Variants in MAP4K2 observed in about 807,000 individuals in gnomAD.
MAP4K2 encodes the protein B lymphocyte serine/threonine protein kinase.
Under a neutral mutation model 125.3 loss-of-function variants are expected in MAP4K2, and 85 were observed. The observed-to-expected ratio is 0.68, with a 90% CI of 0.57 to 0.81. The LOEUF (loss-of-function observed/expected upper bound fraction) is 0.81, where lower values mean the gene tolerates loss of function less well. Among genes scored for constraint, MAP4K2 ranks in the 40% least tolerant of loss-of-function variants. The pLI, the probability that MAP4K2 is intolerant of heterozygous loss-of-function variation, is 0.00. For missense variants in MAP4K2, 923 were observed against 1,056.4 expected, an observed-to-expected ratio of 0.87 and a Z score of 1.75; for synonymous variants, 479 against 445.1, an observed-to-expected ratio of 1.08 and a Z score of -0.96.
At chr11:64,800,514 G>T in intron 10 of MAP4K2, 122 bp from the exon 11 acceptor site, 1 of 1,192,774 alleles carries the variant, frequency 8.4e-7, no homozygotes, top group Non-Finnish European at 1.2e-6. Flanking sequence ...GGAGCCAGCC[G>T]AGGCCAAGGG....
Position 64,789,192 on chromosome 11 carries a change from A to G in MAP4K2, c.*345T>C. The G allele has an allele frequency of 2.7e-6, 1 of 366,192 alleles. No individual in the cohort carries two copies. Among genetic ancestry groups the G allele is most frequent in the Non-Finnish European group, 5.1e-6 (1 of 194,484 alleles). 22.7% of individuals were successfully genotyped at this position (366,192 alleles called of 1,614,324 possible). On this transcript the variant is annotated 3_prime_UTR_variant, in exon 32 of 32. Transcript: ENST00000294066. ...TTCTCTCTTAAATACCGTGTTTCCCAGGACAAATGCAGGGGCAGGCTCTTG... is the reference window on the plus strand; with the variant it reads ...TTCTCTCTTAAATACCGTGTTTCCCGGGACAAATGCAGGGGCAGGCTCTTG...
rs1940290147 is a variant in MAP4K2 at position 64,788,385 on chromosome 11, T to C, written c.*1152A>G. The C allele has an allele frequency of 6.6e-6, 1 of 151,894 alleles. No homozygotes were observed. Among genetic ancestry groups the C allele is most frequent in the African/African-American group, 2.4e-5 (1 of 41,294 alleles). 9.4% of individuals were successfully genotyped at this position (151,894 alleles called of 1,614,324 possible). Reference sequence around the variant, plus strand: ...GGCTGCAGCTGCCCAAAGGCTCCAGTCAAGAGCGGCTGATCAGTGCCTGGG... The same window carrying C: ...GGCTGCAGCTGCCCAAAGGCTCCAGCCAAGAGCGGCTGATCAGTGCCTGGG... On this transcript the variant is annotated 3_prime_UTR_variant, in exon 32 of 32. Transcript: ENST00000294066.
rs1247775529 is a variant in MAP4K2 at position 64,789,507 on chromosome 11, GC to G, written c.*29del. The G allele has an allele frequency of 6.4e-7, 1 of 1,551,890 alleles. No homozygotes were observed. Among genetic ancestry groups the G allele is most frequent in the Admixed American group, 1.9e-5 (1 of 51,348 alleles). ...GCCTGCAGCTAAGGCGTGGGGTGGGGCGGGGAGCCCCTGGACAGGCCCGCTG... is the reference window on the plus strand; with the variant it reads ...GCCTGCAGCTAAGGCGTGGGGTGGGGGGGGAGCCCCTGGACAGGCCCGCTG... On this transcript the variant is annotated 3_prime_UTR_variant, in exon 32 of 32. Transcript: ENST00000294066.
In MAP4K2 at chr11:64,787,728, A is replaced by G. The variant is rs1940256453; in HGVS notation, c.*1809T>C. The G allele has an allele frequency of 6.6e-6, 1 of 152,150 alleles. No homozygotes were observed. The highest frequency in any genetic ancestry group is 1.5e-5 in the Non-Finnish European group (1 of 68,026). 9.4% of individuals were successfully genotyped at this position (152,150 alleles called of 1,614,324 possible). A position where few individuals can be genotyped will look rare whatever the true frequency, so the allele number is the denominator to read the frequency against. On this transcript the variant is annotated 3_prime_UTR_variant, in exon 32 of 32. Coordinates refer to ENST00000294066, the MANE Select transcript of MAP4K2 (RefSeq NM_004579.5). The stretch of plus-strand genomic sequence containing the variant: ...AGTCCAAACCCCGTTTCCAGACTGA[A>G]TCTGAGGTCCGGGAAGATCCGCCAC...
intron 24 of MAP4K2, among the ~76,000 whole-genome samples, chr11:64,795,234 C>T (rs1381499482): frequency 2.0e-5 from 3 of 151,468 alleles, no homozygotes; most frequent in Admixed American, 2.0e-4. Context: ...CAGGTGCGCA[C>T]CACTACACCC....
intron 5 of MAP4K2, 80 bp downstream of exon 5, chr11:64,801,986 C>A: frequency 6.9e-7 from 1 of 1,448,764 alleles, no homozygotes; most frequent in South Asian, 1.3e-5. Context: ...GCACTCCACC[C>A]GCCTCCCTGC....
Position 64,796,642 on chromosome 11 carries a change from G to A in MAP4K2, c.1564C>T (p.Leu522=). 6.2e-7 allele frequency: 1 copy of A among 1,614,122 alleles called. No individual in the cohort carries two copies. Among genetic ancestry groups the A allele is most frequent in the Middle Eastern group, 1.6e-4 (1 of 6,062 alleles). ...LNLHELHEDT[L]EKLISHRCSW... is the part of the protein sequence containing the mutation. Reference sequence around the variant, plus strand: ...AGCCAGCCGGGCCTCACCTTCTCCAGCGTATCCTCATGCAGTTCATGCAGG... The same window carrying A: ...AGCCAGCCGGGCCTCACCTTCTCCAACGTATCCTCATGCAGTTCATGCAGG... The change falls in exon 22 of 32, where the codon CTG becomes TTG. Residue 522 remains leucine, a synonymous_variant. Transcript: ENST00000294066.
At chr11:64,792,544 G>A in intron 24 of MAP4K2, 122 bp from the exon 25 acceptor site, 1 of 795,378 alleles carries the variant, frequency 1.3e-6, no homozygotes, top group Non-Finnish European at 2.0e-6. Context: ...GAGACTCAGA[G>A]ACACAGAGTA....
rs753107807 is a variant in MAP4K2, at chr11:64,797,205, G to A, written c.1277-13C>T. On this transcript the variant is annotated splice_polypyrimidine_tract_variant and intron_variant, in intron 18 of 31. Transcript: ENST00000294066. ...GGGGGCAGGGTTCCTGCAGGCACAG[G>A]CGTGCTGTAATTTCCTGCTGTAGCC... 13 of 1,612,222 alleles carry A rather than the reference G, an allele frequency of 8.1e-6. No homozygotes were observed. In the Admixed American group the frequency reaches 2.0e-4, roughly 25 times the overall value.
Position 64,787,378 on chromosome 11 carries a change from G to A in MAP4K2, c.*2159C>T, listed in dbSNP as rs1005514154. 1 of 152,062 alleles carries A rather than the reference G, an allele frequency of 6.6e-6. No individual in the cohort carries two copies. The highest frequency in any genetic ancestry group is 2.4e-5 in the African/African-American group (1 of 41,386). 9.4% of individuals were successfully genotyped at this position (152,062 alleles called of 1,614,324 possible). A position where few individuals can be genotyped will look rare whatever the true frequency, so the allele number is the denominator to read the frequency against. Reference sequence around the variant, plus strand: ...AAGGTCAGTACAGTATGTGGAATATGTTAATACGTATATAAAAAATCGCCA... The same window carrying A: ...AAGGTCAGTACAGTATGTGGAATATATTAATACGTATATAAAAAATCGCCA... On this transcript the variant is annotated 3_prime_UTR_variant, in exon 32 of 32. Transcript: ENST00000294066.
Position 64,788,612 on chromosome 11 carries a change from AGTCTGGTAG to A in MAP4K2, c.*916_*924del. On this transcript the variant is annotated 3_prime_UTR_variant, in exon 32 of 32. Transcript: ENST00000294066. ...GCCTGGCACTGAGGCAGCCCTTGGG[AGTCTGGTAG>A]ACGGACACAGGCTAGCCTTCCCATC... The A allele has an allele frequency of 6.6e-6, 1 of 152,184 alleles. No individual in the cohort carries two copies. Among genetic ancestry groups the A allele is most frequent in the Non-Finnish European group, 1.5e-5 (1 of 68,010 alleles). 9.4% of individuals were successfully genotyped at this position (152,184 alleles called of 1,614,324 possible).
At chr11:64,802,287 C>T (rs2136056641) in intron 4 of MAP4K2, 132 bp downstream of exon 4, 2 of 1,134,036 alleles carry the variant, frequency 1.8e-6, no homozygotes, top group East Asian at 5.1e-5. Flanking sequence ...GACAGTATTT[C>T]TCTCAAGGTC....
chr11:64,787,892 G>A lies in MAP4K2; in HGVS notation c.*1645C>T, dbSNP rs1431235061. On this transcript the variant is annotated 3_prime_UTR_variant, in exon 32 of 32. Coordinates refer to ENST00000294066, the MANE Select transcript of MAP4K2 (RefSeq NM_004579.5). ...CCCACCCTGGTCCCAACATTCCTCC[G>A]AGAAATCTGGAAAATTGGAAGTTAG... is the stretch of plus-strand genomic sequence containing the variant. 2.0e-5 allele frequency: 3 copies of A among 152,124 alleles called. No homozygotes were observed. The highest frequency in any genetic ancestry group is 4.4e-5 in the Non-Finnish European group (3 of 68,026). The allele number at this position is 152,124 out of a possible 1,614,324, so 9.4% of individuals were successfully genotyped here. A position where few individuals can be genotyped will look rare whatever the true frequency, so the allele number is the denominator to read the frequency against.
intron 15 of MAP4K2, among the ~76,000 whole-genome samples, chr11:64,798,205 G>A (rs1940945163): frequency 1.3e-5 from 2 of 151,232 alleles, no homozygotes; most frequent in South Asian, 4.2e-4. Context: ...TCGCTCTGTT[G>A]CCCAGGCTGG....
chr11:64,785,786 T>G lies in MAP4K2; in HGVS notation c.*3751A>C, dbSNP rs561223. The G allele has an allele frequency of 6.6e-6, 1 of 152,234 alleles. No individual in the cohort carries two copies. Among genetic ancestry groups the G allele is most frequent in the Admixed American group, 6.5e-5 (1 of 15,288 alleles). The allele number at this position is 152,234 out of a possible 1,614,324, so 9.4% of individuals were successfully genotyped here. On this transcript the variant is annotated 3_prime_UTR_variant, in exon 32 of 32. Transcript: ENST00000294066. The stretch of plus-strand genomic sequence containing the variant: ...TGTATCTTTTGTAGAGACAGGGTTT[T>G]GTCATGTTGCCCAGGCTGGTCTAGA...
In MAP4K2 at chr11:64,796,298, G is replaced by C. The variant is rs781359920; in HGVS notation, c.1726C>G (p.Arg576Gly). The change falls in exon 24 of 32, where the codon CGC (arginine) becomes GGC (glycine). Residue 576 changes from arginine to glycine, a missense_variant. Transcript: ENST00000294066. Reference protein sequence around the residue: ...QQVPLSIPTNRLTQRIIPRRF... With the variant: ...QQVPLSIPTNGLTQRIIPRRF... ...CTGGGGATGATGCGCTGGGTGAGGC[G>C]GTTGGTGGGGATGGAGAGGGGAACC... is the stretch of plus-strand genomic sequence containing the variant. 1 of 1,538,310 alleles carries C rather than the reference G, an allele frequency of 6.5e-7. No homozygotes were observed. The highest frequency in any genetic ancestry group is 8.8e-7 in the Non-Finnish European group (1 of 1,142,762).
At position 64,790,548 on chromosome 11, in the gene MAP4K2, C is replaced by T. The variant is rs550819003; in HGVS notation, c.2093-86G>A. On this transcript the variant is annotated intron_variant, in intron 27 of 31. Transcript: ENST00000294066. ...ATACGGGGGCCAGGCTACAGACAGC[C>T]CTTGGCCATGAGGGCACGTCAGCCT... The T allele has an allele frequency of 1.2e-5, 16 of 1,326,882 alleles. No individual in the cohort carries two copies. In the South Asian group the frequency reaches 1.8e-4, roughly 15 times the overall value. The allele number at this position is 1,326,882 out of a possible 1,614,324, so 82.2% of individuals were successfully genotyped here.
intron 24 of MAP4K2, among the ~76,000 whole-genome samples, chr11:64,794,923 G>C (rs1210886377): frequency 6.6e-6 from 1 of 151,864 alleles, no homozygotes; most frequent in Non-Finnish European, 1.5e-5. Flanking sequence ...GTCTTGCTCT[G>C]TTGCCCAGGC....
rs180685146 is a variant in MAP4K2, at chr11:64,792,824, G to C, written c.1752-402C>G. ...GGTGCTCTCGGCAGTGCTGGGAATC[G>C]TGTGTGCTCACAGAGGGCCAGCTCC... is the stretch of plus-strand genomic sequence containing the variant. On this transcript the variant is annotated intron_variant, in intron 24 of 31. Transcript: ENST00000294066. 7.2e-5 allele frequency among the ~76,000 whole-genome samples: 11 copies of C among 152,292 alleles called. No homozygotes were observed. In the East Asian group the frequency reaches 1.7e-3, roughly 24 times the overall value.
Sources: gnomAD v4.1 joint callset for allele counts (sites outside exome capture counted in the v4.1 genomes callset) on GRCh38, gnomAD v4.1.1 for gene constraint, MANE v1.5 for transcripts, NCBI Gene and HGNC (gene_info 2026-07-23, HGNC 2026-07-21) for gene names.